The following SYNPR variants were observed in gnomAD, a reference collection of about 807,000 sequenced individuals.
SYNPR encodes synaptoporin.
Under a neutral mutation model 32.9 loss-of-function variants are expected in SYNPR, and 23 were observed. The ratio of observed to expected loss-of-function variants is 0.70; its 90% CI spans 0.50 to 0.99. The LOEUF (loss-of-function observed/expected upper bound fraction) is 0.99, where lower values mean the gene tolerates loss of function less well. Among genes scored for constraint, SYNPR ranks in the 50% least tolerant of loss-of-function variants. SYNPR has a pLI of 0.00. For missense variants in SYNPR, 318 were observed against 349.3 expected (o/e 0.91, Z 0.71); for synonymous variants, 146 against 135.9 (o/e 1.07, Z -0.52).
chr3:63,202,902 T>A, the SYNPR span, among the ~76,000 whole-genome samples: 1 of 151,896 alleles, frequency 6.6e-6, no homozygotes, highest in Non-Finnish European at 1.5e-5. Context: ...GGAACACAGT[T>A]TGGGAAACTT....
In SYNPR at chr3:63,481,093, C is replaced by G. The variant is rs958023848; in HGVS notation, c.209+137C>G. 4.2e-6 allele frequency: 5 copies of G among 1,190,936 alleles called. No homozygotes were observed. In the African/African-American group the frequency reaches 7.7e-5, roughly 18 times the overall value. 73.8% of individuals were successfully genotyped at this position (1,190,936 alleles called of 1,614,324 possible). ...ATTCTGCCTGCACCCACGGAATGCC[C>G]AAACACAGTGCCCACTCACCACCTA... On this transcript the variant is annotated intron_variant, in intron 3 of 5. Coordinates refer to ENST00000478300, the MANE Select transcript of SYNPR (RefSeq NM_001130003.2).
intron 2 of SYNPR, among the ~76,000 whole-genome samples, chr3:63,413,392 G>A (rs1180118973): frequency 2.6e-5 from 4 of 152,170 alleles, no homozygotes; most frequent in Admixed American, 6.5e-5. Context: ...GTTAAGATTC[G>A]TTTGGTCTTA....
chr3:63,375,272 G>T (rs968064522), intron 2 of SYNPR, among the ~76,000 whole-genome samples: 6 of 152,114 alleles, frequency 3.9e-5, no homozygotes, highest in Non-Finnish European at 8.8e-5. Context: ...ACATGCACAC[G>T]TATGTTTACT....
At chr3:63,451,373 T>C (rs1454155649) in intron 2 of SYNPR, among the ~76,000 whole-genome samples, 1 of 152,184 alleles carries the variant, frequency 6.6e-6, no homozygotes, top group African/African-American at 2.4e-5. Context: ...AATGCTTTGC[T>C]GGGTGATTCC....
chr3:63,428,919 A>G (rs1699936602), intron 2 of SYNPR, among the ~76,000 whole-genome samples: 1 of 152,188 alleles, frequency 6.6e-6, no homozygotes. Flanking sequence ...GAGTGAGAAA[A>G]TCAACTCTAT....
chr3:63,449,018 G>C (rs1016370421), intron 2 of SYNPR, among the ~76,000 whole-genome samples: 4 of 152,190 alleles, frequency 2.6e-5, no homozygotes, highest in South Asian at 4.1e-4. Flanking sequence ...AGATTTTGTA[G>C]TGTGTGTGTC....
intron 2 of SYNPR, among the ~76,000 whole-genome samples, chr3:63,477,539 C>T (rs1700952664): frequency 6.6e-6 from 1 of 152,092 alleles, no homozygotes; most frequent in African/African-American, 2.4e-5. Flanking sequence ...TGAGACATGG[C>T]TTTATTCAGC....
At chr3:63,532,357 C>T (rs1369988937) in intron 3 of SYNPR, among the ~76,000 whole-genome samples, 3 of 152,150 alleles carry the variant, frequency 2.0e-5, no homozygotes, top group African/African-American at 7.2e-5. Context: ...CACACTAAAC[C>T]CCTGCAAGTA....
At chr3:63,576,790 C>CAA (rs34309720) in intron 4 of SYNPR, among the ~76,000 whole-genome samples, 8 of 76,386 alleles carry the variant, frequency 1.0e-4, no homozygotes, top group Admixed American at 3.0e-4. Context: ...GAATACGTCT[C>CAA]AAAAAAAAAA....
chr3:63,387,814 A>G (rs1459695294), intron 2 of SYNPR, among the ~76,000 whole-genome samples: 1 of 152,154 alleles, frequency 6.6e-6, no homozygotes, highest in Non-Finnish European at 1.5e-5. Context: ...GTGCGGGAGA[A>G]TTGGGTGGCG....
chr3:63,408,052 G>A (rs774766972), intron 2 of SYNPR, among the ~76,000 whole-genome samples: 1 of 151,128 alleles, frequency 6.6e-6, no homozygotes, highest in Non-Finnish European at 1.5e-5. Flanking sequence ...TTCCCTAATG[G>A]CAGTGGAAAT....
In SYNPR at chr3:63,480,861, C is replaced by T. The variant is rs758510661; in HGVS notation, c.114C>T (p.Cys38=). 26 of 1,613,298 alleles carry T rather than the reference C, an allele frequency of 1.6e-5. No individual in the cohort carries two copies. Among genetic ancestry groups the T allele is most frequent in the East Asian group, 1.3e-4 (6 of 44,866 alleles). Residue 38 remains cysteine (C), a synonymous_variant, in exon 3 of 6, where the codon TGC becomes TGT. Transcript: ENST00000478300. ...LLFAIFAFAT[C]GGYSGGLRLS... ...TTGCAATCTTTGCATTTGCAACATGCGGTGGCTATTCTGGAGGCCTGCGGC... is the reference window on the plus strand; with the variant it reads ...TTGCAATCTTTGCATTTGCAACATGTGGTGGCTATTCTGGAGGCCTGCGGC...
intron 2 of SYNPR, among the ~76,000 whole-genome samples, chr3:63,292,715 A>C (rs2086751968): frequency 6.6e-6 from 1 of 152,220 alleles, no homozygotes; most frequent in Non-Finnish European, 1.5e-5. Context: ...TTACTGCAAA[A>C]CTTTGCAAAG....
At chr3:63,521,983 C>A (rs1701924443) in intron 3 of SYNPR, among the ~76,000 whole-genome samples, 1 of 152,152 alleles carries the variant, frequency 6.6e-6, no homozygotes, top group Non-Finnish European at 1.5e-5. Flanking sequence ...AGCAGGCAGC[C>A]TCTCCAGGCA....
At chr3:63,246,972 A>G (rs2086297142) in intron 1 of SYNPR, among the ~76,000 whole-genome samples, 1 of 152,036 alleles carries the variant, frequency 6.6e-6, no homozygotes, top group Non-Finnish European at 1.5e-5. Context: ...TGGGCTTCAT[A>G]CTTGGGTGAT....
rs1439808621 is a variant in SYNPR at position 63,595,755 on chromosome 3, A to T, written c.409-13370A>T. Among the ~76,000 whole-genome samples the T allele has an allele frequency of 1.5e-3, 48 of 32,270 alleles. 1 individual carries two copies. The highest frequency in any genetic ancestry group is 4.3e-3 in the African/African-American group (21 of 4,854). The allele number at this position is 32,270 out of a possible 152,430, so 21.2% of individuals were successfully genotyped here. A position where few individuals can be genotyped will look rare whatever the true frequency, so the allele number is the denominator to read the frequency against. On this transcript the variant is annotated intron_variant, in intron 4 of 5. Transcript: ENST00000478300. ...TATATATATATATATATATATATAT[A>T]TATATATATATATAATTTTATATAT...
intron 2 of SYNPR, among the ~76,000 whole-genome samples, chr3:63,456,986 C>T (rs979604504): frequency 2.0e-5 from 3 of 152,018 alleles, no homozygotes; most frequent in African/African-American, 2.4e-5. Context: ...CTCTTTGCAG[C>T]GGGGCCTCTG....
chr3:63,387,108 C>T (rs1575619538), intron 2 of SYNPR, among the ~76,000 whole-genome samples: 1 of 152,198 alleles, frequency 6.6e-6, no homozygotes, highest in Non-Finnish European at 1.5e-5. Flanking sequence ...GTGTCTTCCA[C>T]TGACATACAA....
intron 2 of SYNPR, among the ~76,000 whole-genome samples, chr3:63,307,753 G>A (rs187229478): frequency 2.2e-4 from 34 of 151,862 alleles, no homozygotes; most frequent in East Asian, 1.4e-3. Flanking sequence ...TTAAGTTTTC[G>A]TAAAAGAGGT....
Sources: allele counts gnomAD v4.1 joint callset (sites outside exome capture counted in the v4.1 genomes callset), GRCh38; gene constraint gnomAD v4.1.1; transcripts MANE v1.5; gene names NCBI Gene and HGNC (gene_info 2026-07-23, HGNC 2026-07-21).